Variants in PHLPP1 observed in about 807,000 individuals in gnomAD.
The protein encoded by PHLPP1 is PH domain leucine-rich repeat-containing protein phosphatase 1.
In PHLPP1, 42 loss-of-function variants were observed where a neutral mutation model predicts 117.2. The observed-to-expected ratio is 0.36, with a 90% CI of 0.28 to 0.46. The LOEUF (loss-of-function observed/expected upper bound fraction) is 0.46, where lower values mean the gene tolerates loss of function less well. Among genes scored for constraint, PHLPP1 ranks in the 20% least tolerant of loss-of-function variants. The pLI is 1.00. For synonymous variants in PHLPP1, 1,042 were observed against 970.7 expected (o/e 1.07, Z -1.37); for missense variants, 2,084 against 2,241.9 (o/e 0.93, Z 1.42).
intron 1 of PHLPP1, among the ~76,000 whole-genome samples, chr18:62,747,467 C>T (rs1911712873): frequency 6.6e-6 from 1 of 151,204 alleles, no homozygotes; most frequent in African/African-American, 2.4e-5. Flanking sequence ...TTTCCCTTTC[C>T]TCCTCTTACC....
At chr18:62,732,093 C>T (rs1452314436) in intron 1 of PHLPP1, among the ~76,000 whole-genome samples, 1 of 152,194 alleles carries the variant, frequency 6.6e-6, no homozygotes, top group Non-Finnish European at 1.5e-5. Context: ...GAAGATCTCG[C>T]TAAGATCATT....
At chr18:62,743,882 G>A (rs1386124883) in intron 1 of PHLPP1, among the ~76,000 whole-genome samples, 1 of 151,920 alleles carries the variant, frequency 6.6e-6, no homozygotes, top group Non-Finnish European at 1.5e-5. Flanking sequence ...TCTCTGTGGT[G>A]GTTACATTGA....
intron 9 of PHLPP1, among the ~76,000 whole-genome samples, chr18:62,918,689 T>A (rs1004571897): frequency 8.5e-5 from 13 of 152,260 alleles, no homozygotes; most frequent in African/African-American, 3.1e-4. Context: ...TATTCCCTAA[T>A]GTTATGGAGA....
intron 1 of PHLPP1, among the ~76,000 whole-genome samples, chr18:62,750,930 G>T (rs1911832022): frequency 6.6e-6 from 1 of 152,152 alleles, no homozygotes; most frequent in Non-Finnish European, 1.5e-5. Context: ...GAAATTTGTG[G>T]AGTTCATTTG....
chr18:62,748,846 A>G (rs551408053), intron 1 of PHLPP1, among the ~76,000 whole-genome samples: 23 of 152,276 alleles, frequency 1.5e-4, no homozygotes, highest in African/African-American at 5.1e-4. Context: ...GCTCCCCCCA[A>G]CACACACACC....
chr18:62,920,609 G>C (rs540344554), intron 10 of PHLPP1, among the ~76,000 whole-genome samples: 2 of 152,174 alleles, frequency 1.3e-5, no homozygotes, highest in Admixed American at 6.5e-5. Context: ...GCCTACGCTG[G>C]AGTGCAGTGG....
chr18:62,963,262 A>C, intron 13 of PHLPP1, 106 bp from the exon 14 acceptor site: 1 of 677,738 alleles, frequency 1.5e-6, no homozygotes, highest in Non-Finnish European at 2.6e-6. Context: ...AGAAATGGTA[A>C]GTACAGAGTG....
intron 1 of PHLPP1, among the ~76,000 whole-genome samples, chr18:62,793,419 C>T (rs1355547379): frequency 1.3e-5 from 2 of 152,192 alleles, no homozygotes; most frequent in African/African-American, 2.4e-5. Context: ...TTCATTCTAA[C>T]TGCCAGATTT....
Position 62,905,204 on chromosome 18 carries a change from G to GTTT in PHLPP1, c.2648-11_2648-9dup. Reference sequence around the variant, plus strand: ...ATTTGTATAGTAATGTCTTTGTGGGGTTTTTTTTTTTCTTCCTAGAACTTG... The same window carrying GTTT: ...ATTTGTATAGTAATGTCTTTGTGGGGTTTTTTTTTTTTTTCTTCCTAGAACTTG... On this transcript the variant is annotated intron_variant, in intron 7 of 16. Transcript: ENST00000262719. 4.6e-6 allele frequency: 6 copies of GTTT among 1,295,788 alleles called. No homozygotes were observed. Among genetic ancestry groups the GTTT allele is most frequent in the South Asian group, 1.7e-5 (1 of 59,908 alleles). 80.3% of individuals were successfully genotyped at this position (1,295,788 alleles called of 1,614,324 possible).
At chr18:62,937,472 A>G (rs1910009349) in intron 10 of PHLPP1, among the ~76,000 whole-genome samples, 1 of 152,194 alleles carries the variant, frequency 6.6e-6, no homozygotes, top group South Asian at 2.1e-4. Context: ...GCTCTTTTAG[A>G]AAAAAAGGAC....
intron 5 of PHLPP1, 137 bp downstream of exon 5, chr18:62,895,294 A>G (rs960067650): frequency 6.3e-6 from 5 of 796,442 alleles, no homozygotes; most frequent in South Asian, 1.8e-5. Flanking sequence ...ATCAGGGACT[A>G]TGTAGTCCGT....
rs542013647 is a variant in PHLPP1 at position 62,768,348 on chromosome 18, G to A, written c.1576+51089G>A. Among the ~76,000 whole-genome samples, 10 of 152,072 alleles carry A rather than the reference G, an allele frequency of 6.6e-5. No individual in the cohort carries two copies. The East Asian group carries it at 9.7e-4, about 15-fold the overall frequency. On this transcript the variant is annotated intron_variant, in intron 1 of 16. Transcript: ENST00000262719. ...AATACAGTGGAGAGGATCCAAAAAC[G>A]GAACCAGACATGACCTGTGAGGCAG...
intron 5 of PHLPP1, 59 bp from the exon 6 acceptor site, chr18:62,895,722 G>A (rs1599107951): frequency 1.9e-6 from 2 of 1,056,114 alleles, no homozygotes; most frequent in East Asian, 2.4e-5. Flanking sequence ...CTTGTATGTT[G>A]ATAATAAAGA....
rs375867853 is a variant in PHLPP1, at chr18:62,851,866, C to T, written c.1900-8569C>T. On this transcript the variant is annotated intron_variant, in intron 3 of 16. Transcript: ENST00000262719. The stretch of plus-strand genomic sequence containing the variant: ...ATCATTTTAAATGTTGTATAATTTG[C>T]GTAATCTTTTTTCTTTTCTTTTTTT... Among the ~76,000 whole-genome samples the T allele has an allele frequency of 1.7e-4, 26 of 152,010 alleles. No individual in the cohort carries two copies. The East Asian group carries it at 3.9e-3, about 23-fold the overall frequency.
chr18:62,776,515 TACTC>T (rs1329564855), intron 1 of PHLPP1, among the ~76,000 whole-genome samples: 4 of 152,174 alleles, frequency 2.6e-5, no homozygotes, highest in Non-Finnish European at 4.4e-5. Flanking sequence ...AGCCATCACT[TACTC>T]TTTTTGCATC....
intron 4 of PHLPP1, among the ~76,000 whole-genome samples, chr18:62,867,912 C>A (rs555478699): frequency 6.6e-6 from 1 of 151,930 alleles, no homozygotes; most frequent in Admixed American, 6.6e-5. Context: ...CCCAGATTCA[C>A]GCCATTCTCC....
chr18:62,782,214 A>C (rs1913139290), intron 1 of PHLPP1, among the ~76,000 whole-genome samples: 1 of 152,246 alleles, frequency 6.6e-6, no homozygotes, highest in African/African-American at 2.4e-5. Flanking sequence ...GATGTCTGCC[A>C]AGAGGCATGA....
rs1914681006 is a variant in PHLPP1, at chr18:62,828,892, G to A, written c.1577-1143G>A. Among the ~76,000 whole-genome samples the A allele has an allele frequency of 4.6e-5, 7 of 152,288 alleles. No homozygotes were observed. The South Asian group carries it at 1.5e-3, about 32-fold the overall frequency. On this transcript the variant is annotated intron_variant, in intron 1 of 16. Coordinates refer to ENST00000262719, the MANE Select transcript of PHLPP1 (RefSeq NM_194449.4). Reference sequence around the variant, plus strand: ...CTTATTAACTTATCTCTGGGCAGAGGCTTTGGTACTCTGAAATTATCTGTT... The same window carrying A: ...CTTATTAACTTATCTCTGGGCAGAGACTTTGGTACTCTGAAATTATCTGTT...
chr18:62,806,567 G>A (rs113662003), intron 1 of PHLPP1, among the ~76,000 whole-genome samples: 49 of 152,074 alleles, frequency 3.2e-4, no homozygotes, highest in African/African-American at 1.1e-3. Context: ...TCTTTTGAGA[G>A]ATAGATAAAA....
Sources: allele counts gnomAD v4.1 joint callset (sites outside exome capture counted in the v4.1 genomes callset), GRCh38; gene constraint gnomAD v4.1.1; transcripts MANE v1.5; gene names NCBI Gene and HGNC (gene_info 2026-07-23, HGNC 2026-07-21).